The following EML4 variants were observed in gnomAD, a reference collection of about 807,000 sequenced individuals.
EML4 encodes EMAP like 4.
In EML4, 72 loss-of-function variants were observed where a neutral mutation model predicts 129.0. That is an observed-to-expected ratio of 0.56 (90% confidence interval 0.46 to 0.68). EML4 has a LOEUF of 0.68. Among genes scored for constraint, EML4 ranks in the 30% least tolerant of loss-of-function variants. EML4 has a pLI of 0.00. For synonymous variants in EML4, 532 were observed against 405.0 expected (o/e 1.31, Z -3.77); for missense variants, 1,363 against 1,190.6 (o/e 1.14, Z -2.13).
intron 1 of EML4, among the ~76,000 whole-genome samples, chr2:42,224,977 A>G (rs186372509): frequency 1.3e-5 from 2 of 152,176 alleles, no homozygotes; most frequent in South Asian, 2.1e-4. Context: ...TGCCTATTCT[A>G]GGTACCTGGT....
intron 2 of EML4, among the ~76,000 whole-genome samples, chr2:42,247,285 G>A (rs1043143806): frequency 2.6e-5 from 4 of 152,128 alleles, no homozygotes; most frequent in African/African-American, 7.2e-5. Context: ...ACCTTTAGGT[G>A]CAAAGATAGG....
intron 1 of EML4, among the ~76,000 whole-genome samples, chr2:42,244,466 C>T (rs1473446148): frequency 1.3e-5 from 2 of 152,170 alleles, no homozygotes; most frequent in Admixed American, 1.3e-4. Context: ...TCTAAAGTTA[C>T]ATAACTTTGC....
At chr2:42,289,269 C>T (rs1364393898) in intron 11 of EML4, 1 of 152,158 alleles carries the variant, frequency 6.6e-6, no homozygotes, top group South Asian at 2.1e-4. Flanking sequence ...AATTTTGATT[C>T]TTCATAGTAA....
At chr2:42,199,205 A>C (rs938501544) in intron 1 of EML4, among the ~76,000 whole-genome samples, 1 of 152,236 alleles carries the variant, frequency 6.6e-6, no homozygotes, top group Non-Finnish European at 1.5e-5. Context: ...TTAAGATTTC[A>C]GATGAGTAAT....
rs759897283 is a variant in EML4, at chr2:42,245,534, G to C, written c.55G>C (p.Asp19His). The change falls in exon 2 of 23, where the codon GAT becomes CAT. Residue 19 changes from aspartate to histidine, a missense_variant. Physicochemically the swap from Asp to His is moderately conservative, Grantham distance 81. Transcript: ENST00000318522. ...DDSISAASTS[D>H]VQDRLSALES... The stretch of plus-strand genomic sequence containing the variant: ...TAGTATTTCTGCTGCAAGTACTTCT[G>C]ATGTTCAAGATCGCCTGTCAGCTCT... 29 of 1,613,266 alleles carry C rather than the reference G, an allele frequency of 1.8e-5. No individual in the cohort carries two copies. Among genetic ancestry groups the C allele is most frequent in the South Asian group, 1.4e-4 (13 of 91,010 alleles).
At chr2:42,172,925 T>G (rs1572821911) in intron 1 of EML4, among the ~76,000 whole-genome samples, 1 of 152,184 alleles carries the variant, frequency 6.6e-6, no homozygotes, top group Non-Finnish European at 1.5e-5. Flanking sequence ...ACCTAGAGAT[T>G]AGTCTGTTTT....
At chr2:42,214,431 T>A (rs1673061174) in intron 1 of EML4, among the ~76,000 whole-genome samples, 1 of 143,722 alleles carries the variant, frequency 7.0e-6, no homozygotes. Flanking sequence ...TCCTAGAGTT[T>A]ACAGCGGATT....
At position 42,187,129 on chromosome 2, in the gene EML4, C is replaced by G. The variant is rs138576269; in HGVS notation, c.25+17493C>G. On this transcript the variant is annotated intron_variant, in intron 1 of 22. Transcript: ENST00000318522. ...CAGGATCTCATTTTACTGTAACGTC[C>G]AATTCCTGGGCTCAAGTAATCCTCT... 8.3e-3 allele frequency among the ~76,000 whole-genome samples: 1,265 copies of G among 151,916 alleles called. 10 individuals carry two copies. Among genetic ancestry groups the G allele is most frequent in the African/African-American group, 0.029 (1,211 of 41,374 alleles).
intron 3 of EML4, among the ~76,000 whole-genome samples, chr2:42,260,074 A>G (rs1435343745): frequency 2.0e-5 from 3 of 150,328 alleles, no homozygotes; most frequent in Non-Finnish European, 4.4e-5. Context: ...TTTGTTGCCC[A>G]GGCTGGTCTT....
chr2:42,203,547 A>G (rs961146561), intron 1 of EML4, among the ~76,000 whole-genome samples: 1 of 152,016 alleles, frequency 6.6e-6, no homozygotes, highest in Non-Finnish European at 1.5e-5. Flanking sequence ...ATCATTACCT[A>G]TGGAAGCAGT....
Position 42,241,988 on chromosome 2 carries a change from A to T in EML4, c.26-3517A>T, listed in dbSNP as rs752671449. 2.0e-5 allele frequency among the ~76,000 whole-genome samples: 3 copies of T among 152,260 alleles called. No individual in the cohort carries two copies. In the South Asian group the frequency reaches 6.2e-4, roughly 32 times the overall value. ...ATTGTTCTTGTGTCTCACAGTGTCT[A>T]TCAGGGTTTGGTAGGAATTTTACAA... On this transcript the variant is annotated intron_variant, in intron 1 of 22. Transcript: ENST00000318522.
In EML4 at chr2:42,326,210, G is replaced by A; in HGVS notation, c.2299G>A (p.Asp767Asn). Residue 767 changes from aspartate to asparagine, a missense_variant, in exon 21 of 23, where the codon GAT becomes AAT. Coordinates refer to ENST00000318522, the MANE Select transcript of EML4 (RefSeq NM_019063.5). ...GAATCGATCGGATTGTAAGGACATT[G>A]ATTGGACGACATATACCTGTGTGCT... is the stretch of plus-strand genomic sequence containing the variant. ...IRNRSDCKDI[D>N]WTTYTCVLGF... 6.2e-7 allele frequency: 1 copy of A among 1,613,870 alleles called. No homozygotes were observed. The highest frequency in any genetic ancestry group is 8.5e-7 in the Non-Finnish European group (1 of 1,179,844).
intron 1 of EML4, among the ~76,000 whole-genome samples, chr2:42,200,692 C>T (rs1198455052): frequency 1.3e-5 from 2 of 152,212 alleles, no homozygotes; most frequent in African/African-American, 4.8e-5. Context: ...CTCTAAATAT[C>T]ATAACAATTC....
rs115690499 is a variant in EML4, at chr2:42,304,567, G to T, written c.1967+16G>T. 1 of 1,598,790 alleles carries T rather than the reference G, an allele frequency of 6.3e-7. No individual in the cohort carries two copies. Among genetic ancestry groups the T allele is most frequent in the African/African-American group, 1.3e-5 (1 of 74,698 alleles). On this transcript the variant is annotated intron_variant, in intron 17 of 22. Coordinates refer to ENST00000318522, the MANE Select transcript of EML4 (RefSeq NM_019063.5). ...ACTCAGGCAGGTAGGGTCTTTAAGT[G>T]AACTGAGTAATCTGAAGTGGTGGGA...
chr2:42,320,946 A>C (rs1669483516), intron 19 of EML4, among the ~76,000 whole-genome samples: 1 of 152,188 alleles, frequency 6.6e-6, no homozygotes, highest in East Asian at 1.9e-4. Flanking sequence ...GATTTGGTTA[A>C]TTGGAAATAC....
At chr2:42,206,556 C>G (rs1285933457) in intron 1 of EML4, among the ~76,000 whole-genome samples, 1 of 152,142 alleles carries the variant, frequency 6.6e-6, no homozygotes, top group Non-Finnish European at 1.5e-5. Context: ...AGTCGTCTTG[C>G]CTACTTTAAT....
chr2:42,236,006 C>T (rs748768366), intron 1 of EML4, among the ~76,000 whole-genome samples: 5 of 152,074 alleles, frequency 3.3e-5, no homozygotes, highest in African/African-American at 7.2e-5. Context: ...TAAAAAGTTA[C>T]AATACATGTT....
At chr2:42,276,854 C>T (rs139461326) in intron 6 of EML4, among the ~76,000 whole-genome samples, 14 of 152,346 alleles carry the variant, frequency 9.2e-5, no homozygotes, top group African/African-American at 2.9e-4. Context: ...AGGTTATATA[C>T]TTGATCTCCA....
intron 9 of EML4, 48 bp downstream of exon 9, chr2:42,284,751 A>C: frequency 7.2e-7 from 1 of 1,380,066 alleles, no homozygotes; most frequent in Non-Finnish European, 1.0e-6. Flanking sequence ...CATTGCTGTT[A>C]GAGTGGAATC....
Sources: allele counts gnomAD v4.1 joint callset (sites outside exome capture counted in the v4.1 genomes callset), GRCh38; gene constraint gnomAD v4.1.1; transcripts MANE v1.5; gene names NCBI Gene and HGNC (gene_info 2026-07-23, HGNC 2026-07-21).